Variants in TSPAN11 observed in about 807,000 individuals in gnomAD.
The protein encoded by TSPAN11 is tetraspanin-11.
A neutral mutation model predicts 32.9 loss-of-function variants in TSPAN11; 29 were observed. The ratio of observed to expected loss-of-function variants is 0.88; its 90% confidence interval spans 0.66 to 1.20. TSPAN11 has a LOEUF of 1.20. TSPAN11 is among the 50% of genes most tolerant of loss of function. The probability of loss-of-function intolerance (pLI) is 0.00; values close to 1 mark genes in which losing one functional copy is unlikely to be tolerated. For missense variants in TSPAN11, 283 were observed against 329.1 expected, an observed-to-expected ratio of 0.86 and a Z score of 1.08; for synonymous variants, 140 against 141.3, an observed-to-expected ratio of 0.99 and a Z score of 0.07.
intron 3 of TSPAN11, among the ~76,000 whole-genome samples, chr12:30,968,918 C>G (rs1938791596): frequency 6.6e-6 from 1 of 152,204 alleles, no homozygotes; most frequent in African/African-American, 2.4e-5. Context: ...CTAGCTTGCT[C>G]TGGGACCTCG....
rs1207791832 is a variant in TSPAN11 at position 30,992,960 on chromosome 12, T to C, written c.*1045T>C. The C allele has an allele frequency of 2.6e-5, 4 of 152,204 alleles. No homozygotes were observed. 9.4% of individuals were successfully genotyped at this position (152,204 alleles called of 1,614,324 possible). A position where few individuals can be genotyped will look rare whatever the true frequency, so the allele number is the denominator to read the frequency against. ...ACCTGTCCTAGAGTGGACAGAGCTT[T>C]TTCCTTGGGTTCTCTCTTGCATCAC... On this transcript the variant is annotated 3_prime_UTR_variant, in exon 8 of 8. Transcript: ENST00000546076.
At chr12:30,974,709 A>G (rs1205942943) in intron 3 of TSPAN11, among the ~76,000 whole-genome samples, 1 of 152,210 alleles carries the variant, frequency 6.6e-6, no homozygotes, top group Non-Finnish European at 1.5e-5. Context: ...GCTCACAGTC[A>G]TGCTAGGGGA....
chr12:30,982,740 C>T lies in TSPAN11; in HGVS notation c.615+50C>T, dbSNP rs372162798. 9.3e-5 allele frequency: 140 copies of T among 1,508,902 alleles called. No individual in the cohort carries two copies. The African/African-American group carries it at 1.6e-3, about 17-fold the overall frequency. 93.5% of individuals were successfully genotyped at this position (1,508,902 alleles called of 1,614,324 possible). ...GGTGAGGAGAGGGCCCTGGCCTGGC[C>T]GTTCAGGAGCCCCAGAAAGGCTGGG... is the stretch of plus-strand genomic sequence containing the variant. On this transcript the variant is annotated intron_variant, in intron 6 of 7. Transcript: ENST00000546076.
chr12:31,002,257 G>A, the TSPAN11 span, among the ~76,000 whole-genome samples: 3 of 152,096 alleles, frequency 2.0e-5, no homozygotes, highest in African/African-American at 4.8e-5. This position sits in a 1 kb window ranked among gnomAD's most constrained non-coding sequence, Gnocchi z 4.8. Flanking sequence ...ACAATTTCAC[G>A]TGGACCTGGC....
intron 1 of TSPAN11, among the ~76,000 whole-genome samples, chr12:30,929,532 G>A (rs906391941): frequency 9.2e-5 from 14 of 152,168 alleles, no homozygotes; most frequent in Admixed American, 6.5e-4. Flanking sequence ...CAAGCTGTGC[G>A]CAGATATTTG....
chr12:30,988,746 C>T (rs1304638467), intron 7 of TSPAN11, among the ~76,000 whole-genome samples: 1 of 152,120 alleles, frequency 6.6e-6, no homozygotes, highest in Non-Finnish European at 1.5e-5. Context: ...TCCCCGGGCT[C>T]ATCTTATTCA....
chr12:30,998,675 C>T (rs12228232), downstream of TSPAN11, among the ~76,000 whole-genome samples: 9,243 of 152,172 alleles, frequency 0.061, 313 homozygotes, highest in East Asian at 0.14. Context: ...CAGCAAGGAA[C>T]GTCACTGCAG....
chr12:30,943,211 G>A (rs538949775), intron 1 of TSPAN11, among the ~76,000 whole-genome samples: 51 of 152,208 alleles, frequency 3.4e-4, no homozygotes, highest in African/African-American at 1.2e-3. Context: ...CTCATTCTTA[G>A]CTTCCGCCAG....
intron 7 of TSPAN11, among the ~76,000 whole-genome samples, chr12:30,983,742 T>C (rs1341083555): frequency 6.6e-6 from 1 of 152,176 alleles, no homozygotes. Context: ...ATTCCCTGGG[T>C]AATGCGATAT....
chr12:31,012,153 T>C, the TSPAN11 span, among the ~76,000 whole-genome samples: 1 of 152,222 alleles, frequency 6.6e-6, no homozygotes, highest in Non-Finnish European at 1.5e-5. Flanking sequence ...CCATCAGCCC[T>C]CCAGCCCAGC....
the TSPAN11 span, chr12:31,005,807 G>A: frequency 5.1e-6 from 1 of 197,782 alleles, no homozygotes; most frequent in African/African-American, 2.3e-5. Flanking sequence ...CAGTCCAGTG[G>A]ATGTGCTGGG....
intron 2 of TSPAN11, among the ~76,000 whole-genome samples, chr12:30,956,395 T>C (rs901303430): frequency 2.6e-5 from 4 of 152,226 alleles, no homozygotes; most frequent in Non-Finnish European, 5.9e-5. Flanking sequence ...TCGTTTTTAG[T>C]GCAGCTTACA....
At chr12:31,004,682 G>A in the TSPAN11 span, among the ~76,000 whole-genome samples, 1 of 152,234 alleles carries the variant, frequency 6.6e-6, no homozygotes, top group Non-Finnish European at 1.5e-5. Context: ...GAATGTCTGT[G>A]AAAGGAACTG....
intron 1 of TSPAN11, among the ~76,000 whole-genome samples, chr12:30,945,254 CA>C (rs1938243741): frequency 6.6e-6 from 1 of 152,128 alleles, no homozygotes; most frequent in Non-Finnish European, 1.5e-5. Flanking sequence ...CACAGGCCAG[CA>C]TCTTGAAAGC....
chr12:30,931,541 G>A (rs528649494), intron 1 of TSPAN11, among the ~76,000 whole-genome samples: 1 of 152,202 alleles, frequency 6.6e-6, no homozygotes, highest in East Asian at 1.9e-4. Context: ...ATAAGCACTA[G>A]GGTTTTGATA....
At chr12:30,991,133 C>G (rs1423578815) in intron 7 of TSPAN11, among the ~76,000 whole-genome samples, 5 of 152,322 alleles carry the variant, frequency 3.3e-5, no homozygotes, top group African/African-American at 9.6e-5. Context: ...GCTCCAGCCC[C>G]TTGTTCAGCT....
At chr12:30,971,799 T>A (rs1277699326) in intron 3 of TSPAN11, among the ~76,000 whole-genome samples, 1 of 151,636 alleles carries the variant, frequency 6.6e-6, no homozygotes, top group Non-Finnish European at 1.5e-5. Context: ...CTCACCTTAA[T>A]GTCACAGTGA....
intron 7 of TSPAN11, among the ~76,000 whole-genome samples, chr12:30,987,534 G>A (rs1234769474): frequency 6.6e-6 from 1 of 152,140 alleles, no homozygotes; most frequent in Non-Finnish European, 1.5e-5. Context: ...TTGAACCCAG[G>A]AGGCGGAGGT....
intron 1 of TSPAN11, among the ~76,000 whole-genome samples, chr12:30,946,794 C>T (rs781251140): frequency 6.6e-6 from 1 of 152,154 alleles, no homozygotes; most frequent in African/African-American, 2.4e-5. Context: ...ACCAGCTTCA[C>T]GGAGGTGGGG....
Sources: gnomAD v4.1 joint callset for allele counts (sites outside exome capture counted in the v4.1 genomes callset) on GRCh38, gnomAD v4.1.1 for gene constraint, Gnocchi (gnomAD v3.1) non-coding constraint, MANE v1.5 for transcripts, NCBI Gene and HGNC (gene_info 2026-07-23, HGNC 2026-07-21) for gene names.